Variants in ZNF567 observed in about 807,000 individuals in gnomAD.
ZNF567 encodes zinc finger protein 567.
Under a neutral mutation model 53.9 loss-of-function variants are expected in ZNF567, and 36 were observed. The observed-to-expected ratio is 0.67, with a 90% CI of 0.51 to 0.88. ZNF567 has a LOEUF of 0.88. Among genes scored for constraint, ZNF567 ranks in the 40% least tolerant of loss-of-function variants. ZNF567 has a pLI of 0.00. For synonymous variants in ZNF567, 224 were observed against 260.4 expected, an observed-to-expected ratio of 0.86 and a Z score of 1.35; for missense variants, 619 against 764.7, an observed-to-expected ratio of 0.81 and a Z score of 2.25.
chr19:36,692,861 A>G (rs2038690410), intron 2 of ZNF567, among the ~76,000 whole-genome samples: 1 of 152,150 alleles, frequency 6.6e-6, no homozygotes, highest in Non-Finnish European at 1.5e-5. Context: ...AGAAGTGCCT[A>G]TGGTGTCTGA....
downstream of ZNF567, among the ~76,000 whole-genome samples, chr19:36,726,050 C>G (rs1253373063): frequency 6.6e-6 from 1 of 152,172 alleles, no homozygotes; most frequent in Non-Finnish European, 1.5e-5. Context: ...ACTGATTGCT[C>G]TGTCTCCTCT....
intron 3 of ZNF567, among the ~76,000 whole-genome samples, chr19:36,710,488 T>C (rs1220059798): frequency 6.6e-6 from 1 of 152,178 alleles, no homozygotes; most frequent in African/African-American, 2.4e-5. Context: ...TATGTTCTTC[T>C]GAGAATTATT....
intron 5 of ZNF567, among the ~76,000 whole-genome samples, chr19:36,717,777 T>C (rs1319491517): frequency 1.3e-5 from 2 of 152,226 alleles, no homozygotes; most frequent in Non-Finnish European, 2.9e-5. Flanking sequence ...GACCAGATTG[T>C]TCAATCTACC....
downstream of ZNF567, among the ~76,000 whole-genome samples, chr19:36,723,874 TATA>T (rs762923156): frequency 5.3e-5 from 8 of 152,128 alleles, no homozygotes; most frequent in Non-Finnish European, 1.0e-4. Flanking sequence ...TTATTATTTG[TATA>T]ATAATTATTG....
At chr19:36,723,276 T>A, downstream of ZNF567, 1 of 701,190 alleles carries the variant, frequency 1.4e-6, no homozygotes. Context: ...TCTGGGACAT[T>A]CTACTCCCCT....
intron 5 of ZNF567, among the ~76,000 whole-genome samples, chr19:36,715,509 A>AATAATAATTATT (rs1309147349): frequency 1.8e-3 from 82 of 45,822 alleles, no homozygotes; most frequent in Non-Finnish European, 2.3e-3. Flanking sequence ...TAATAATAAT[A>AATAATAATTATT]ATTATTATTA....
upstream of ZNF567, among the ~76,000 whole-genome samples, chr19:36,684,851 C>T (rs1057315552): frequency 6.6e-6 from 1 of 152,042 alleles, no homozygotes; most frequent in African/African-American, 2.4e-5. Flanking sequence ...AGGAGAGACG[C>T]CCATTTCCAA....
intron 3 of ZNF567, among the ~76,000 whole-genome samples, chr19:36,695,544 T>A (rs1386872690): frequency 6.6e-6 from 1 of 151,644 alleles, no homozygotes; most frequent in Admixed American, 6.6e-5. Context: ...AAGAAAAAAA[T>A]TAGCCCAGTG....
intron 2 of ZNF567, among the ~76,000 whole-genome samples, chr19:36,693,248 A>T (rs1460100645): frequency 6.6e-6 from 1 of 152,156 alleles, no homozygotes; most frequent in Non-Finnish European, 1.5e-5. Flanking sequence ...GTGATAGGCC[A>T]CTGCACTCCA....
At chr19:36,676,837 G>A in the ZNF567 span, among the ~76,000 whole-genome samples, 2 of 152,070 alleles carry the variant, frequency 1.3e-5, no homozygotes, top group Non-Finnish European at 2.9e-5. Flanking sequence ...GGGCAACATG[G>A]TGAAACTTCA....
chr19:36,706,468 G>A (rs3108568), intron 3 of ZNF567, among the ~76,000 whole-genome samples: 101,874 of 151,518 alleles, frequency 0.67, 34,575 homozygotes, highest in East Asian at 0.82. Context: ...TAATTTTTCT[G>A]TTTTTTATAG....
chr19:36,722,409 C>T (rs1370740837), downstream of ZNF567, among the ~76,000 whole-genome samples: 1 of 152,160 alleles, frequency 6.6e-6, no homozygotes, highest in African/African-American at 2.4e-5. Flanking sequence ...TCAAACGATT[C>T]TCCTACCTCA....
chr19:36,673,791 TCCCCTCAGAA>T, the ZNF567 span, among the ~76,000 whole-genome samples: 1 of 152,078 alleles, frequency 6.6e-6, no homozygotes, highest in African/African-American at 2.4e-5. Flanking sequence ...GTCATTTAAC[TCCCCTCAGAA>T]CCCTGAGGGA....
the ZNF567 span, among the ~76,000 whole-genome samples, chr19:36,675,687 A>T: frequency 2.0e-5 from 3 of 151,930 alleles, no homozygotes; most frequent in Non-Finnish European, 4.4e-5. Context: ...AAATAATAAA[A>T]AATAATAATA....
intron 2 of ZNF567, among the ~76,000 whole-genome samples, 197 bp from the exon 3 acceptor site, chr19:36,694,605 C>G (rs983296163): frequency 6.6e-6 from 1 of 152,072 alleles, no homozygotes; most frequent in Admixed American, 6.6e-5. Context: ...ATCCTGCTGC[C>G]CCAAAAGCCT....
At chr19:36,678,607 G>C in the ZNF567 span, among the ~76,000 whole-genome samples, 1 of 152,050 alleles carries the variant, frequency 6.6e-6, no homozygotes, top group Non-Finnish European at 1.5e-5. Context: ...CACTCTGGGA[G>C]GCCAAGGTGG....
At position 36,718,257 on chromosome 19, in the gene ZNF567, T is replaced by G. The variant is rs972999210; in HGVS notation, c.224-691T>G. Among the ~76,000 whole-genome samples, 87 of 152,176 alleles carry G rather than the reference T, an allele frequency of 5.7e-4. 1 individual carries two copies. Among genetic ancestry groups the G allele is most frequent in the Non-Finnish European group, 1.3e-4 (9 of 68,020 alleles). ...GCTCATACCTGTAATCCCAGCATTT[T>G]GGGAGGCCAAGGTGGGCAGATCATG... On this transcript the variant is annotated intron_variant, in intron 5 of 5. Transcript: ENST00000682579.
chr19:36,701,867 G>T (rs1004664193), intron 3 of ZNF567, among the ~76,000 whole-genome samples: 3 of 56,318 alleles, frequency 5.3e-5, no homozygotes, highest in African/African-American at 2.4e-4. Flanking sequence ...GATGGGTCTT[G>T]ACTCTATCCA....
the ZNF567 span, among the ~76,000 whole-genome samples, chr19:36,681,122 T>C: frequency 6.6e-6 from 1 of 152,028 alleles, no homozygotes; most frequent in Non-Finnish European, 1.5e-5. Context: ...TTAAAAATGG[T>C]CTCAGTATTC....
Sources: gnomAD v4.1 joint callset for allele counts (sites outside exome capture counted in the v4.1 genomes callset) on GRCh38, gnomAD v4.1.1 for gene constraint, MANE v1.5 for transcripts, NCBI Gene and HGNC (gene_info 2026-07-23, HGNC 2026-07-21) for gene names.